Variants in APP observed in about 807,000 individuals in gnomAD.
APP encodes the protein amyloid-beta precursor protein.
A neutral mutation model predicts 101.4 loss-of-function variants in APP; 31 were observed. The ratio of observed to expected loss-of-function variants is 0.31; its 90% confidence interval spans 0.23 to 0.41. The LOEUF is 0.41. Among genes scored for constraint, APP ranks in the 10% least tolerant of loss-of-function variants. APP has a pLI of 1.00. For synonymous variants in APP, 366 were observed against 364.4 expected (o/e 1.00, Z -0.05); for missense variants, 839 against 1,003.7 (o/e 0.84, Z 2.22).
chr21:26,111,956 G>C (rs773862229), intron 2 of APP, 23 bp downstream of exon 2: 1 of 1,613,670 alleles, frequency 6.2e-7, no homozygotes, highest in Non-Finnish European at 8.5e-7. Flanking sequence ...AACGTGAATT[G>C]CTAGCCACCG....
intron 6 of APP, among the ~76,000 whole-genome samples, chr21:26,020,631 A>C (rs1322821558): frequency 6.6e-6 from 1 of 152,186 alleles, no homozygotes; most frequent in Non-Finnish European, 1.5e-5. Context: ...GACCTTTATA[A>C]GTATTTGCAG....
intron 7 of APP, among the ~76,000 whole-genome samples, chr21:25,999,430 G>A (rs974585867): frequency 7.9e-5 from 12 of 152,170 alleles, no homozygotes; most frequent in Admixed American, 2.6e-4. Flanking sequence ...TGCTGAGCTC[G>A]GAGGGGGCAA....
chr21:25,950,250 C>G (rs981511360), intron 13 of APP, among the ~76,000 whole-genome samples: 2 of 152,154 alleles, frequency 1.3e-5, no homozygotes, highest in Non-Finnish European at 2.9e-5. Flanking sequence ...ATGGTTGTCA[C>G]TCAAATGCCA....
intron 13 of APP, chr21:25,941,371 A>C (rs1001608189): frequency 2.5e-4 from 38 of 152,266 alleles, no homozygotes; most frequent in Admixed American, 2.4e-3. Flanking sequence ...GTCTGTGATC[A>C]AGAAGAATTA....
intron 11 of APP, among the ~76,000 whole-genome samples, chr21:25,960,434 T>C (rs1315412941): frequency 6.6e-6 from 1 of 152,206 alleles, no homozygotes; most frequent in Non-Finnish European, 1.5e-5. Context: ...CTGTTAAGAA[T>C]TCCTTGGTTT....
chr21:26,035,111 T>C (rs964776782), intron 5 of APP, among the ~76,000 whole-genome samples: 2 of 151,444 alleles, frequency 1.3e-5, no homozygotes, highest in Non-Finnish European at 2.9e-5. Context: ...CAAAGTGAGA[T>C]CTTGTCTCCA....
rs543095569 is a variant in APP, at chr21:25,910,821, T to TA, written c.1909+919dup. 1.2e-4 allele frequency among the ~76,000 whole-genome samples: 19 copies of TA among 152,374 alleles called. 1 individual carries two copies. The South Asian group carries it at 3.7e-3, about 30-fold the overall frequency. On this transcript the variant is annotated intron_variant, in intron 14 of 17. Transcript: ENST00000346798. ...AGCAAAATTAAATTTTATTTATATG[T>TA]AGTTCTCTATCTTTGCCTTTAACAT...
At chr21:25,932,737 GA>G (rs111439846) in intron 13 of APP, among the ~76,000 whole-genome samples, 4,642 of 138,610 alleles carry the variant, frequency 0.033, 215 homozygotes, top group African/African-American at 0.11. Context: ...AACTAAAAAA[GA>G]AAAAAAAAAA....
chr21:26,018,040 G>A (rs2044180571), intron 6 of APP, among the ~76,000 whole-genome samples: 1 of 152,110 alleles, frequency 6.6e-6, no homozygotes, highest in African/African-American at 2.4e-5. Context: ...TTATTCTACT[G>A]GAATCAGTGA....
intron 1 of APP, among the ~76,000 whole-genome samples, chr21:26,156,385 AAC>A (rs1347266306): frequency 3.9e-5 from 6 of 152,246 alleles, no homozygotes; most frequent in African/African-American, 1.4e-4. Flanking sequence ...TTAAAAATAC[AAC>A]AGATATTAAT....
At chr21:26,084,866 T>C (rs1261039646) in intron 3 of APP, among the ~76,000 whole-genome samples, 5 of 152,220 alleles carry the variant, frequency 3.3e-5, no homozygotes, top group African/African-American at 9.6e-5. Flanking sequence ...ATAAAGCTCA[T>C]AAAGTACAAC....
chr21:26,150,262 G>C (rs901172273), intron 1 of APP, among the ~76,000 whole-genome samples: 3 of 152,094 alleles, frequency 2.0e-5, no homozygotes, highest in Admixed American at 2.0e-4. Flanking sequence ...TAAATATATG[G>C]GGGAAACTAA....
At chr21:26,030,718 T>A (rs1407353424) in intron 5 of APP, among the ~76,000 whole-genome samples, 34 of 152,218 alleles carry the variant, frequency 2.2e-4, no homozygotes, top group Non-Finnish European at 1.5e-5. Flanking sequence ...GGAGTCATTT[T>A]AAATTCTTGA....
At chr21:26,135,238 A>T (rs973508989) in intron 1 of APP, among the ~76,000 whole-genome samples, 1 of 152,240 alleles carries the variant, frequency 6.6e-6, no homozygotes, top group African/African-American at 2.4e-5. Flanking sequence ...AAGCTGGCTA[A>T]CATGATTATC....
chr21:26,148,938 G>C (rs2063207994), intron 1 of APP, among the ~76,000 whole-genome samples: 3 of 152,224 alleles, frequency 2.0e-5, no homozygotes, highest in Admixed American at 1.3e-4. Context: ...TTGTGACTCA[G>C]ATCCAAGGTC....
intron 8 of APP, among the ~76,000 whole-genome samples, chr21:25,984,626 A>G (rs796500862): frequency 5.3e-5 from 8 of 152,286 alleles, no homozygotes; most frequent in African/African-American, 1.9e-4. Context: ...TAACTTAATG[A>G]TTAAGTTAAA....
intron 13 of APP, among the ~76,000 whole-genome samples, chr21:25,947,268 G>T (rs2040863680): frequency 1.3e-5 from 2 of 152,102 alleles, no homozygotes. Context: ...ACCAAAAAAG[G>T]CATAGAGAGC....
intron 1 of APP, among the ~76,000 whole-genome samples, chr21:26,120,804 C>T (rs924036279): frequency 6.6e-6 from 1 of 152,122 alleles, no homozygotes; most frequent in African/African-American, 2.4e-5. Context: ...ATTAAATAGA[C>T]CCCGTTCCTG....
At chr21:25,905,155 G>T in intron 14 of APP, 78 bp from the exon 15 acceptor site, 3 of 1,258,910 alleles carry the variant, frequency 2.4e-6, no homozygotes, top group South Asian at 1.2e-5. Flanking sequence ...AAACATAGTC[G>T]AGCAGGGAAA....
Sources: allele counts gnomAD v4.1 joint callset (sites outside exome capture counted in the v4.1 genomes callset), GRCh38; gene constraint gnomAD v4.1.1; transcripts MANE v1.5; gene names NCBI Gene and HGNC (gene_info 2026-07-23, HGNC 2026-07-21).